The following TCF3 variants were observed in gnomAD, a reference collection of about 807,000 sequenced individuals.
The protein encoded by TCF3 is transcription factor 3.
TCF3 carries 54 observed loss-of-function variants against 72.3 expected under a neutral mutation model. The ratio of observed to expected loss-of-function variants is 0.75; its 90% confidence interval spans 0.60 to 0.94. TCF3 has a LOEUF of 0.94. Ranked by LOEUF, TCF3 falls within the 40% of genes least tolerant of loss-of-function variation. The pLI is 0.00. For missense variants in TCF3, 1,078 were observed against 934.4 expected, an observed-to-expected ratio of 1.15 and a Z score of -2.00; for synonymous variants, 525 against 412.6, an observed-to-expected ratio of 1.27 and a Z score of -3.30.
chr19:1,650,225 C>A lies in TCF3; in HGVS notation c.24G>T (p.Ala8=). The part of the protein sequence containing the change: MNQPQRM[A]PVGTDKELSD... ...TGAGCTCCTTGTCTGTGCCCACAGG[C>A]GCCATCCTCTGCGGCTGGTTCATTC... The change falls in exon 2 of 19, where the codon GCG becomes GCT. Residue 8 remains alanine, a synonymous_variant. Coordinates refer to ENST00000262965, the MANE Select transcript of TCF3 (RefSeq NM_003200.5). 5 of 1,571,252 alleles carry A rather than the reference C, an allele frequency of 3.2e-6. No homozygotes were observed. The highest frequency in any genetic ancestry group is 3.4e-6 in the Non-Finnish European group (4 of 1,159,490).
Position 1,615,654 on chromosome 19 carries a change from A to G in TCF3, c.1586+32T>C, listed in dbSNP as rs1265274373. The G allele has an allele frequency of 1.7e-6, 2 of 1,187,482 alleles. No individual in the cohort carries two copies. Among genetic ancestry groups the G allele is most frequent in the Non-Finnish European group, 2.3e-6 (2 of 864,794 alleles). 73.6% of individuals were successfully genotyped at this position (1,187,482 alleles called of 1,614,324 possible). A position where few individuals can be genotyped will look rare whatever the true frequency, so the allele number is the denominator to read the frequency against. ...TGCACATGTGCGTCCTGATGGGGTG[A>G]GGGTGGGGAGTGCCGAGGGGTGGGT... On this transcript the variant is annotated intron_variant, in intron 17 of 18. Transcript: ENST00000262965. The surrounding 1 kb of genome is among the most constrained non-coding windows in gnomAD (Gnocchi z 7.3).
At position 1,622,125 on chromosome 19, in the gene TCF3, G is replaced by C; in HGVS notation, c.751C>G (p.Pro251Ala). 2.5e-6 allele frequency: 4 copies of C among 1,597,872 alleles called. No individual in the cohort carries two copies. The highest frequency in any genetic ancestry group is 3.4e-6 in the Non-Finnish European group (4 of 1,174,212). The change falls in exon 10 of 19, where the codon CCC becomes GCC. Residue 251 changes from proline (P) to alanine (A), a missense_variant. Physicochemically the swap from Pro to Ala is conservative, Grantham distance 27. Coordinates refer to ENST00000262965, the MANE Select transcript of TCF3 (RefSeq NM_003200.5). ...CTGCTGCCCACCGGGCCGCTACCGG[G>C]CGGGAGGGGCAGCGGGGATGAGCCC... ...GGGSSPLPLP[P>A]GSGPVGSSGS...
In TCF3 at chr19:1,613,259, G is replaced by T. The variant is rs146590002; in HGVS notation, c.1823-1410C>A. On this transcript the variant is annotated intron_variant, in intron 18 of 18. Transcript: ENST00000262965. The stretch of plus-strand genomic sequence containing the variant: ...CATGGTGGGGCGCCTGTGTGTGTAC[G>T]CGACTGGCTGCCCAGGTGCAAGTGC... Among the ~76,000 whole-genome samples, 695 of 152,270 alleles carry T rather than the reference G, an allele frequency of 4.6e-3. 7 individuals are homozygous for T. The highest frequency in any genetic ancestry group is 0.016 in the African/African-American group (668 of 41,550).
At chr19:1,616,755 G>A (rs1283050959) in intron 16 of TCF3, among the ~76,000 whole-genome samples, 4 of 152,116 alleles carry the variant, frequency 2.6e-5, no homozygotes, top group Non-Finnish European at 4.4e-5. Context: ...GTGACAGGGT[G>A]AGACCCTGTC....
intron 3 of TCF3, among the ~76,000 whole-genome samples, chr19:1,635,197 C>G (rs1188076979): frequency 6.6e-6 from 1 of 152,240 alleles, no homozygotes; most frequent in Non-Finnish European, 1.5e-5. Flanking sequence ...AGCCCCAGCT[C>G]TGCAATGTGC....
intron 16 of TCF3, 63 bp downstream of exon 16, chr19:1,619,045 CACT>C (rs1399845558): frequency 6.3e-7 from 1 of 1,595,550 alleles, no homozygotes; most frequent in Non-Finnish European, 8.5e-7. Flanking sequence ...TGACCCCCAC[CACT>C]AGAGTGCCTC....
At position 1,625,639 on chromosome 19, in the gene TCF3, T is replaced by G. The variant is rs1599681283; in HGVS notation, c.436A>C (p.Thr146Pro). ...GAGTAGGAGGGGTAGTACTGGGAGG[T>G]CCCCTTCATGCCCGAAGGGGACAGG... Reference protein sequence around the residue: ...GPLSPSGMKGTSQYYPSYSGS... With the variant: ...GPLSPSGMKGPSQYYPSYSGS... Residue 146 changes from threonine (T) to proline (P), a missense_variant, in exon 7 of 19, where the codon ACC becomes CCC. Physicochemically the swap from Thr to Pro is conservative, Grantham distance 38. Transcript: ENST00000262965. 1.3e-6 allele frequency: 2 copies of G among 1,544,596 alleles called. No homozygotes were observed. The highest frequency in any genetic ancestry group is 1.7e-6 in the Non-Finnish European group (2 of 1,151,518).
intron 3 of TCF3, among the ~76,000 whole-genome samples, chr19:1,633,870 C>A (rs1485953491): frequency 1.3e-5 from 2 of 152,180 alleles, no homozygotes; most frequent in Non-Finnish European, 2.9e-5. Flanking sequence ...GGGGTGGGCA[C>A]AGCGCCGGCA....
chr19:1,650,128 A>T, intron 2 of TCF3, 49 bp downstream of exon 2: 1 of 1,506,124 alleles, frequency 6.6e-7, no homozygotes. Context: ...CTTCCCGTGA[A>T]CTGTGGAGGC....
chr19:1,622,040 G>A lies in TCF3; in HGVS notation c.822+14C>T, dbSNP rs201725633. The A allele has an allele frequency of 8.7e-4, 1,386 of 1,599,030 alleles. 2 individuals carry two copies. Among genetic ancestry groups the A allele is most frequent in the Non-Finnish European group, 8.9e-4 (1,046 of 1,174,296 alleles). ...ACCCTCCGCCCACCCCCTGCCCCCT[G>A]CCCTGGGTCCTACCATACGCTCGTG... On this transcript the variant is annotated intron_variant, in intron 10 of 18. Coordinates refer to ENST00000262965, the MANE Select transcript of TCF3 (RefSeq NM_003200.5).
At chr19:1,612,054 G>A (rs1469079850) in intron 18 of TCF3, among the ~76,000 whole-genome samples, 1 of 152,062 alleles carries the variant, frequency 6.6e-6, no homozygotes, top group Admixed American at 6.5e-5. Flanking sequence ...TGGGTATCAG[G>A]GGGTGTCTGG....
intron 2 of TCF3, among the ~76,000 whole-genome samples, chr19:1,647,326 G>A (rs73919279): frequency 0.01 from 1,541 of 152,336 alleles, 18 homozygotes; most frequent in African/African-American, 0.035. Context: ...TCCCATCGGG[G>A]CTTAAGTGAT....
intron 14 of TCF3, 76 bp from the exon 15 acceptor site, chr19:1,619,550 A>T: frequency 6.7e-7 from 1 of 1,502,004 alleles, no homozygotes; most frequent in Non-Finnish European, 8.9e-7. Context: ...TCCCTTCCGC[A>T]TGCAAGTGGC....
chr19:1,609,923 G>C lies in TCF3; in HGVS notation c.*1784C>G, dbSNP rs1324323704. 7 of 232,678 alleles carry C rather than the reference G, an allele frequency of 3.0e-5. No homozygotes were observed. Among genetic ancestry groups the C allele is most frequent in the African/African-American group, 4.4e-5 (2 of 45,268 alleles). The allele number at this position is 232,678 out of a possible 1,614,324, so 14.4% of individuals were successfully genotyped here. A position where few individuals can be genotyped will look rare whatever the true frequency, so the allele number is the denominator to read the frequency against. ...AGCGGGGATGAACACAGCCAGCCCA[G>C]GGGTCCACAAGGCCTCAATGCAGGG... is the stretch of plus-strand genomic sequence containing the variant. On this transcript the variant is annotated 3_prime_UTR_variant, in exon 19 of 19. Coordinates refer to ENST00000262965, the MANE Select transcript of TCF3 (RefSeq NM_003200.5).
rs1289695552 is a variant in TCF3, at chr19:1,652,518, G to GCGCGGTGCC, written c.-267_-259dup. On this transcript the variant is annotated 5_prime_UTR_variant, in exon 1 of 19. Transcript: ENST00000262965. ...CGGGGCGCCCCTGGGGCAGCGGCGTGCGCGGTGCCCGCGGTGCCCGCCGCC... is the reference window on the plus strand; with the variant it reads ...CGGGGCGCCCCTGGGGCAGCGGCGTGCGCGGTGCCCGCGGTGCCCGCGGTGCCCGCCGCC... 13 of 144,692 alleles carry GCGCGGTGCC rather than the reference G, an allele frequency of 9.0e-5. No individual in the cohort carries two copies. The highest frequency in any genetic ancestry group is 2.0e-4 in the East Asian group (1 of 4,932). The allele number at this position is 144,692 out of a possible 1,614,324, so 9.0% of individuals were successfully genotyped here. A position where few individuals can be genotyped will look rare whatever the true frequency, so the allele number is the denominator to read the frequency against.
At chr19:1,632,496 G>A in intron 3 of TCF3, 91 bp from the exon 4 acceptor site, 1 of 1,357,686 alleles carries the variant, frequency 7.4e-7, no homozygotes, top group South Asian at 1.3e-5. Flanking sequence ...AAACCTCAGT[G>A]GACCCGGGGG....
chr19:1,642,252 ACGTG>A (rs370148430), intron 3 of TCF3, among the ~76,000 whole-genome samples: 8 of 151,546 alleles, frequency 5.3e-5, no homozygotes, highest in Admixed American at 2.0e-4. Flanking sequence ...ACGCACACAC[ACGTG>A]CGCACACACG....
chr19:1,613,130 G>C (rs543423827), intron 18 of TCF3, among the ~76,000 whole-genome samples: 1 of 152,074 alleles, frequency 6.6e-6, no homozygotes, highest in East Asian at 2.0e-4. Context: ...TGTTGGTGTG[G>C]GCAGCAGTAC....
intron 11 of TCF3, 119 bp downstream of exon 11, chr19:1,621,719 G>A (rs1310274703): frequency 1.4e-5 from 18 of 1,328,892 alleles, no homozygotes; most frequent in African/African-American, 3.0e-5. Context: ...ACAACAACCC[G>A]CTCTCAGGGC....
Sources: allele counts gnomAD v4.1 joint callset (sites outside exome capture counted in the v4.1 genomes callset), GRCh38; gene constraint gnomAD v4.1.1; non-coding constraint Gnocchi (gnomAD v3.1); transcripts MANE v1.5; gene names NCBI Gene and HGNC (gene_info 2026-07-23, HGNC 2026-07-21).